The following NUBP2 variants were observed in gnomAD, a reference collection of about 807,000 sequenced individuals.
The protein encoded by NUBP2 is NUBP iron-sulfur cluster assembly factor 2, cytosolic.
In NUBP2, 23 loss-of-function variants were observed where a neutral mutation model predicts 24.9. The ratio of observed to expected loss-of-function variants is 0.92; its 90% CI spans 0.66 to 1.31. The LOEUF is 1.31. NUBP2 is among the 50% of genes most tolerant of loss of function. The pLI, the probability that NUBP2 is intolerant of heterozygous loss-of-function variation, is 0.00. For missense variants in NUBP2, 403 were observed against 386.5 expected, an observed-to-expected ratio of 1.04 and a Z score of -0.36; for synonymous variants, 186 against 170.9, an observed-to-expected ratio of 1.09 and a Z score of -0.69.
intron 6 of NUBP2, 109 bp downstream of exon 6, chr16:1,788,316 C>T (rs1054779480): frequency 1.5e-5 from 18 of 1,163,722 alleles, no homozygotes; most frequent in East Asian, 1.1e-4. Flanking sequence ...GGGACGGGAG[C>T]GGTTTCCTCC....
rs370081675 is a variant in NUBP2 at position 1,787,924 on chromosome 16, C to T, written c.490-17C>T. 1.1e-5 allele frequency: 17 copies of T among 1,602,294 alleles called. No homozygotes were observed. Among genetic ancestry groups the T allele is most frequent in the African/African-American group, 2.7e-5 (2 of 74,722 alleles). The stretch of plus-strand genomic sequence containing the variant: ...TGGTGCGCCTGGCTGACCGTGGCCT[C>T]GGCTCCTGCCCCGCAGGCGGTGTCC... On this transcript the variant is annotated splice_polypyrimidine_tract_variant and intron_variant, in intron 4 of 6. Coordinates refer to ENST00000262302, the MANE Select transcript of NUBP2 (RefSeq NM_012225.4).
At chr16:1,784,433 G>C (rs375235984) in intron 1 of NUBP2, 1 of 151,554 alleles carries the variant, frequency 6.6e-6, no homozygotes, top group Non-Finnish European at 1.5e-5. Context: ...GACTCGCTCC[G>C]TTGCCCAGGC....
chr16:1,786,749 C>T lies in NUBP2; in HGVS notation c.136-8C>T. The T allele has an allele frequency of 6.2e-7, 1 of 1,611,416 alleles. No homozygotes were observed. Among genetic ancestry groups the T allele is most frequent in the South Asian group, 1.1e-5 (1 of 90,976 alleles). ...TGCCCCCGGCCTAGGCTGTGCCGCT[C>T]CTTGCAGGTGGGAATCCTGGATGTG... On this transcript the variant is annotated splice_region_variant and splice_polypyrimidine_tract_variant and intron_variant, in intron 2 of 6. Coordinates refer to ENST00000262302, the MANE Select transcript of NUBP2 (RefSeq NM_012225.4).
At chr16:1,785,763 C>A in intron 1 of NUBP2, 1 of 1,289,110 alleles carries the variant, frequency 7.8e-7, no homozygotes, top group Non-Finnish European at 1.0e-6. Context: ...AGCCTTTGAA[C>A]GTGCCCTTGA....
rs778003057 is a variant in NUBP2 at position 1,786,677 on chromosome 16, G to A, written c.135+22G>A. 6 of 1,612,250 alleles carry A rather than the reference G, an allele frequency of 3.7e-6. No individual in the cohort carries two copies. In the South Asian group the frequency reaches 5.5e-5, roughly 15 times the overall value. On this transcript the variant is annotated intron_variant, in intron 2 of 6. Transcript: ENST00000262302. ...GAAGGTGAGCGCCCTACCCCTCACT[G>A]GGCGGAGCCCCGGGCAGCTGCCCGC... is the stretch of plus-strand genomic sequence containing the variant.
At chr16:1,787,278 A>G (rs558940533) in intron 3 of NUBP2, 5 of 406,934 alleles carry the variant, frequency 1.2e-5, no homozygotes, top group Non-Finnish European at 1.8e-5. Flanking sequence ...AGGTGGCATT[A>G]GACGCCCCCA....
chr16:1,783,494 T>C lies in NUBP2; in HGVS notation c.16+458T>C, dbSNP rs1276402710. 3 of 989,470 alleles carry C rather than the reference T, an allele frequency of 3.0e-6. No individual in the cohort carries two copies. The African/African-American group carries it at 5.2e-5, about 17-fold the overall frequency. The allele number at this position is 989,470 out of a possible 1,614,324, so 61.3% of individuals were successfully genotyped here. On this transcript the variant is annotated intron_variant, in intron 1 of 6. Coordinates refer to ENST00000262302, the MANE Select transcript of NUBP2 (RefSeq NM_012225.4). The stretch of plus-strand genomic sequence containing the variant: ...TTCTTTGTGGAAGTGGCGCTCTCAG[T>C]GTTCAGAAAAGTGTAAGTTGCGCGG...
chr16:1,786,558 T>A lies in NUBP2; in HGVS notation c.38T>A (p.Val13Asp), dbSNP rs759113613. The A allele has an allele frequency of 4.4e-6, 7 of 1,602,166 alleles. No individual in the cohort carries two copies. The highest frequency in any genetic ancestry group is 5.1e-6 in the Non-Finnish European group (6 of 1,171,744). Residue 13 changes from valine (V) to aspartate (D), a missense_variant, in exon 2 of 7, where the codon GTC becomes GAC. Val to Asp is a radical substitution (Grantham distance 152). Transcript: ENST00000262302. ...AAAEPGNLAGVRHIILVLSGK... is the reference protein window; with the variant it reads ...AAAEPGNLAGDRHIILVLSGK... ...CCAGAGCCTGGAAACCTGGCCGGCG[T>A]CAGGCACATCATCCTGGTCCTCTCA...
At position 1,783,003 on chromosome 16, in the gene NUBP2, G is replaced by T; in HGVS notation, c.-18G>T. 1 of 1,396,022 alleles carries T rather than the reference G, an allele frequency of 7.2e-7. No individual in the cohort carries two copies. The highest frequency in any genetic ancestry group is 1.5e-5 in the South Asian group (1 of 68,388). 86.5% of individuals were successfully genotyped at this position (1,396,022 alleles called of 1,614,324 possible). ...GGGCGTAAGCGGACTGCAGCCGCGA[G>T]CTCCTGGAGGCGGCGGGATGGAGGC... is the stretch of plus-strand genomic sequence containing the variant. On this transcript the variant is annotated 5_prime_UTR_variant, in exon 1 of 7. Transcript: ENST00000262302.
chr16:1,788,451 C>T, intron 6 of NUBP2, 118 bp from the exon 7 acceptor site: 3 of 1,377,488 alleles, frequency 2.2e-6, no homozygotes, highest in African/African-American at 2.9e-5. Flanking sequence ...AGGTGGAAAT[C>T]GTCTGGCAGC....
intron 3 of NUBP2, 54 bp from the exon 4 acceptor site, chr16:1,787,623 C>T: frequency 6.3e-7 from 1 of 1,589,370 alleles, no homozygotes; most frequent in Non-Finnish European, 8.6e-7. Context: ...TGGCGCAGGG[C>T]CACGTGTGCA....
chr16:1,788,433 G>T, intron 6 of NUBP2, 136 bp from the exon 7 acceptor site: 1 of 1,327,286 alleles, frequency 7.5e-7, no homozygotes, highest in Non-Finnish European at 9.9e-7. Context: ...GGAGGGCCGC[G>T]GGTCTGGAGG....
At chr16:1,783,210 C>G in intron 1 of NUBP2, 174 bp downstream of exon 1, 1 of 1,168,718 alleles carries the variant, frequency 8.6e-7, no homozygotes, top group Non-Finnish European at 1.1e-6. Flanking sequence ...AGGGTCGTTT[C>G]CCGCGTGCTC....
chr16:1,785,666 G>A (rs904766816), intron 1 of NUBP2: 21 of 1,288,750 alleles, frequency 1.6e-5, no homozygotes, highest in Non-Finnish European at 2.0e-5. Context: ...TGCCTTTTCC[G>A]CGTCCCCTGG....
rs770956639 is a variant in NUBP2, at chr16:1,786,936, G to C, written c.315G>C (p.Trp105Cys). 6.6e-7 allele frequency: 1 copy of C among 1,522,916 alleles called. No homozygotes were observed. Among genetic ancestry groups the C allele is most frequent in the East Asian group, 2.3e-5 (1 of 43,794 alleles). 94.3% of individuals were successfully genotyped at this position (1,522,916 alleles called of 1,614,324 possible). ...AGAAGCCGGACGAGGCCGTGGTGTG[G>C]AGAGGCCCCAAGAAAAACGGTAACG... ...LLEKPDEAVV[W>C]RGPKKNALIK... The change falls in exon 3 of 7, where the codon TGG becomes TGC. Residue 105 changes from tryptophan to cysteine, a missense_variant. Trp to Cys is a radical substitution (Grantham distance 215, BLOSUM62 -2). Coordinates refer to ENST00000262302, the MANE Select transcript of NUBP2 (RefSeq NM_012225.4).
chr16:1,787,100 G>C (rs905439508), intron 3 of NUBP2, 145 bp downstream of exon 3: 5 of 751,702 alleles, frequency 6.7e-6, no homozygotes, highest in African/African-American at 5.3e-5. Flanking sequence ...CAGGGCTCAG[G>C]CTGGCGGTGT....
At chr16:1,787,856 T>G in intron 4 of NUBP2, 25 bp downstream of exon 4, 1 of 1,602,926 alleles carries the variant, frequency 6.2e-7, no homozygotes, top group Non-Finnish European at 8.5e-7. Context: ...CCTTCCCGAG[T>G]CCCTGTGGGT....
intron 1 of NUBP2, 191 bp downstream of exon 1, chr16:1,783,227 C>G (rs1175760745): frequency 8.6e-7 from 1 of 1,164,704 alleles, no homozygotes; most frequent in African/African-American, 1.6e-5. Context: ...GCTCCTGCTT[C>G]GATGTGGAAG....
chr16:1,785,196 T>C, intron 1 of NUBP2: 1 of 1,003,368 alleles, frequency 1.0e-6, no homozygotes, highest in Non-Finnish European at 1.2e-6. Context: ...TTCGCCTCCT[T>C]CCTGCACTTC....
Sources: allele counts gnomAD v4.1 joint callset, GRCh38; gene constraint gnomAD v4.1.1; transcripts MANE v1.5; gene names NCBI Gene and HGNC (gene_info 2026-07-23, HGNC 2026-07-21).